Variants in PRKCSH observed in about 807,000 individuals in gnomAD.
PRKCSH encodes the protein PRKCSH beta subunit of glucosidase II, also known as glucosidase 2 subunit beta.
Under a neutral mutation model 79.7 loss-of-function variants are expected in PRKCSH, and 42 were observed. The observed-to-expected ratio is 0.53, with a 90% CI of 0.41 to 0.68. PRKCSH has a LOEUF of 0.68. PRKCSH is among the 30% of genes least tolerant of loss of function. The pLI, the probability that PRKCSH is intolerant of heterozygous loss-of-function variation, is 0.00. For missense variants in PRKCSH, 686 were observed against 709.0 expected (o/e 0.97, Z 0.37); for synonymous variants, 325 against 288.2 (o/e 1.13, Z -1.29).
At position 11,448,297 on chromosome 19, in the gene PRKCSH, G is replaced by T. The variant is rs958262771; in HGVS notation, c.1196+6G>T. On this transcript the variant is annotated splice_donor_region_variant and intron_variant, in intron 13 of 17. Transcript: ENST00000677123. The surrounding 1 kb of genome is among the most constrained non-coding windows in gnomAD (Gnocchi z 4.4). ...GACATGGAGGAGTCCATCAGGTAGC[G>T]GGGGCTGAGGAGCGGGGACACCTGT... The T allele has an allele frequency of 2.0e-5, 31 of 1,571,140 alleles. No individual in the cohort carries two copies. The highest frequency in any genetic ancestry group is 2.6e-5 in the Non-Finnish European group (30 of 1,157,876).
At chr19:11,436,329 G>A in intron 2 of PRKCSH, 60 bp from the exon 3 acceptor site, 3 of 1,571,204 alleles carry the variant, frequency 1.9e-6, no homozygotes, top group Non-Finnish European at 2.6e-6. Context: ...GGAGGACAGA[G>A]GTGGTATTTG....
rs747755213 is a variant in PRKCSH at position 11,436,139 on chromosome 19, C to A, written c.22C>A (p.Leu8Met). The A allele has an allele frequency of 3.7e-6, 6 of 1,608,148 alleles. No homozygotes were observed. Among genetic ancestry groups the A allele is most frequent in the African/African-American group, 1.3e-5 (1 of 74,786 alleles). Residue 8 changes from leucine to methionine, a missense_variant, in exon 2 of 18, where the codon CTG (leucine) becomes ATG (methionine). Around this residue, in one of 2 missense-constraint regions of PRKCSH, gnomAD observed 549 missense variants for 520.2 expected, o/e 1.06. Coordinates refer to ENST00000677123, the MANE Select transcript of PRKCSH (RefSeq NM_001289104.2). MLLPLLL[L>M]LPMCWAVEVK... The stretch of plus-strand genomic sequence containing the variant: ...TGAGATGCTGTTGCCGCTGCTGCTG[C>A]TGCTACCCATGTGCTGGGCCGTGGA...
At chr19:11,444,324 C>T (rs973307583) in intron 7 of PRKCSH, among the ~76,000 whole-genome samples, 1 of 152,088 alleles carries the variant, frequency 6.6e-6, no homozygotes, top group African/African-American at 2.4e-5. Context: ...ACCCAGATTC[C>T]CAAAGGGTGG....
chr19:11,442,505 G>T lies in PRKCSH; in HGVS notation c.588G>T (p.Lys196Asn), dbSNP rs760381469. 1.2e-6 allele frequency: 2 copies of T among 1,610,984 alleles called. No individual in the cohort carries two copies. Among genetic ancestry groups the T allele is most frequent in the Non-Finnish European group, 1.7e-6 (2 of 1,179,074 alleles). The change falls in exon 7 of 18, where the codon AAG (lysine) becomes AAT (asparagine). Residue 196 changes from lysine to asparagine, a missense_variant. Physicochemically the swap from Lys to Asn is moderately conservative, Grantham distance 94 (BLOSUM62 0). Coordinates refer to ENST00000677123, the MANE Select transcript of PRKCSH (RefSeq NM_001289104.2). The stretch of plus-strand genomic sequence containing the variant: ...GAGAGGCCAAAGAGCAGCACCAGAA[G>T]CTGTGGGAAGGTATGGCAGAAATGG... The part of the protein sequence containing the change: ...PEREAKEQHQ[K>N]LWEEQLAAAK...
At chr19:11,440,640 A>C (rs1599489940) in intron 5 of PRKCSH, among the ~76,000 whole-genome samples, 1 of 151,720 alleles carries the variant, frequency 6.6e-6, no homozygotes, top group Non-Finnish European at 1.5e-5. Context: ...TTCAGTAGAG[A>C]CAGGGTTTCA....
intron 1 of PRKCSH, 77 bp from the exon 2 acceptor site, chr19:11,435,964 G>A: frequency 1.8e-6 from 2 of 1,131,070 alleles, no homozygotes; most frequent in Non-Finnish European, 2.6e-6. Flanking sequence ...AGGCCTCATT[G>A]CCTGGAAGCG....
intron 5 of PRKCSH, among the ~76,000 whole-genome samples, chr19:11,440,592 GTA>G (rs1970018967): frequency 6.6e-6 from 1 of 151,998 alleles, no homozygotes; most frequent in Non-Finnish European, 1.5e-5. Flanking sequence ...ATTACACCGT[GTA>G]GCTGGGCGCC....
chr19:11,438,032 G>A (rs1969863311), intron 4 of PRKCSH, 35 bp from the exon 5 acceptor site: 3 of 1,613,970 alleles, frequency 1.9e-6, no homozygotes, highest in African/African-American at 2.7e-5. Flanking sequence ...AGGAGGCACT[G>A]CCAGGTCTGA....
At position 11,441,374 on chromosome 19, in the gene PRKCSH, G is replaced by T; in HGVS notation, c.468+17G>T. 1 of 1,612,256 alleles carries T rather than the reference G, an allele frequency of 6.2e-7. No individual in the cohort carries two copies. Among genetic ancestry groups the T allele is most frequent in the Non-Finnish European group, 8.5e-7 (1 of 1,178,678 alleles). On this transcript the variant is annotated intron_variant, in intron 6 of 17. Transcript: ENST00000677123. Reference sequence around the variant, plus strand: ...GAGAAGCAGGTAAGGAACCCGCGGGGGCTGCCCCAGGGTGATCTGGGCCTT... The same window carrying T: ...GAGAAGCAGGTAAGGAACCCGCGGGTGCTGCCCCAGGGTGATCTGGGCCTT...
intron 1 of PRKCSH, 149 bp from the exon 2 acceptor site, chr19:11,435,890 CAA>C: frequency 1.0e-6 from 1 of 956,416 alleles, no homozygotes; most frequent in South Asian, 1.6e-5. Flanking sequence ...TTGATTTGAG[CAA>C]AGTGAGACTG....
rs1970461264 is a variant in PRKCSH, at chr19:11,449,021, C to T, written c.1361+33C>T. 6.2e-7 allele frequency: 1 copy of T among 1,613,006 alleles called. No homozygotes were observed. Among genetic ancestry groups the T allele is most frequent in the South Asian group, 1.1e-5 (1 of 91,096 alleles). ...GCTTGGGCTGGCCCCTTCCCTCTGC[C>T]TCCTCCTGGTGCCCCGACACCGGCC... On this transcript the variant is annotated intron_variant, in intron 15 of 17. Transcript: ENST00000677123. This position sits in a 1 kb window ranked among gnomAD's most constrained non-coding sequence, Gnocchi z 6.4.
In PRKCSH at chr19:11,449,074, A is replaced by G. The variant is rs1555728968; in HGVS notation, c.1362-2A>G. 1 of 1,613,398 alleles carries G rather than the reference A, an allele frequency of 6.2e-7. No homozygotes were observed. Among genetic ancestry groups the G allele is most frequent in the Non-Finnish European group, 8.5e-7 (1 of 1,179,984 alleles). On this transcript the variant is annotated splice_acceptor_variant, in intron 15 of 17. Transcript: ENST00000677123. LOFTEE classifies it high-confidence loss of function. This position sits in a 1 kb window ranked among gnomAD's most constrained non-coding sequence, Gnocchi z 6.4. ...GCCCTCAGCACCCTGTGTCTCTCAC[A>G]GCACCTGGGGCTCATGGATTGGCCC...
rs749474826 is a variant in PRKCSH at position 11,445,376 on chromosome 19, G to A, written c.599-13G>A. ...TGGGTGGGCAGGGGGTGACAGAGGT[G>A]GCTTCTTTACAGAGCAGCTGGCTGC... On this transcript the variant is annotated splice_polypyrimidine_tract_variant and intron_variant, in intron 7 of 17. Coordinates refer to ENST00000677123, the MANE Select transcript of PRKCSH (RefSeq NM_001289104.2). 6.2e-7 allele frequency: 1 copy of A among 1,613,188 alleles called. No individual in the cohort carries two copies. Among genetic ancestry groups the A allele is most frequent in the Non-Finnish European group, 8.5e-7 (1 of 1,179,962 alleles).
chr19:11,450,202 G>C (rs747387652), intron 17 of PRKCSH, among the ~76,000 whole-genome samples: 1 of 151,400 alleles, frequency 6.6e-6, no homozygotes, highest in African/African-American at 2.4e-5. Context: ...GCCAGGCGTC[G>C]TGGCTCACAT....
intron 5 of PRKCSH, among the ~76,000 whole-genome samples, chr19:11,439,374 C>T (rs1357200759): frequency 1.3e-5 from 2 of 151,016 alleles, no homozygotes; most frequent in African/African-American, 4.9e-5. Context: ...AGTTTGAGAC[C>T]AGCCTGGGCA....
chr19:11,441,138 G>A (rs1970042428), intron 5 of PRKCSH, 102 bp from the exon 6 acceptor site: 1 of 1,136,986 alleles, frequency 8.8e-7, no homozygotes, highest in Non-Finnish European at 1.3e-6. Flanking sequence ...TCCCAGCATG[G>A]CTTGGTGGGG....
chr19:11,438,224 G>A, intron 5 of PRKCSH, 100 bp downstream of exon 5: 4 of 1,328,866 alleles, frequency 3.0e-6, no homozygotes, highest in Non-Finnish European at 3.2e-6. Flanking sequence ...TTTCTGTATC[G>A]GGTTCTCTGT....
At position 11,449,764 on chromosome 19, in the gene PRKCSH, A is replaced by C; in HGVS notation, c.*16+336A>C. 3.0e-6 allele frequency: 1 copy of C among 335,354 alleles called. No homozygotes were observed. Among genetic ancestry groups the C allele is most frequent in the South Asian group, 2.8e-5 (1 of 36,214 alleles). 20.8% of individuals were successfully genotyped at this position (335,354 alleles called of 1,614,324 possible). A position where few individuals can be genotyped will look rare whatever the true frequency, so the allele number is the denominator to read the frequency against. Reference sequence around the variant, plus strand: ...TGGCCTGGATGGTCTCGAACTCCTGACCTCAGATGATCCACCTGCCTTGGC... The same window carrying C: ...TGGCCTGGATGGTCTCGAACTCCTGCCCTCAGATGATCCACCTGCCTTGGC... On this transcript the variant is annotated intron_variant, in intron 17 of 17. Transcript: ENST00000677123. The surrounding 1 kb of genome is among the most constrained non-coding windows in gnomAD (Gnocchi z 6.4).
chr19:11,449,858 A>C lies in PRKCSH; in HGVS notation c.*16+430A>C. On this transcript the variant is annotated intron_variant, in intron 17 of 17. Transcript: ENST00000677123. This position sits in a 1 kb window ranked among gnomAD's most constrained non-coding sequence, Gnocchi z 6.4. ...CCATCTCCTGCCTTTTTTTTTTTGG[A>C]TGGAGTTTCACTCTTGTTGCCGAGG... 4.8e-6 allele frequency: 1 copy of C among 209,542 alleles called. No individual in the cohort carries two copies. Among genetic ancestry groups the C allele is most frequent in the Non-Finnish European group, 9.3e-6 (1 of 107,914 alleles). The allele number at this position is 209,542 out of a possible 1,614,324, so 13.0% of individuals were successfully genotyped here.
Sources: gnomAD v4.1 joint callset for allele counts (sites outside exome capture counted in the v4.1 genomes callset) on GRCh38, gnomAD v4.1.1 for gene constraint, gnomAD v4.1.1 regional missense constraint, Gnocchi (gnomAD v3.1) non-coding constraint, MANE v1.5 for transcripts, NCBI Gene and HGNC (gene_info 2026-07-23, HGNC 2026-07-21) for gene names.